MARCHF8: variants seen among roughly 807,000 people sequenced by gnomAD.
The protein encoded by MARCHF8 is E3 ubiquitin-protein ligase MARCHF8.
In MARCHF8, 40 loss-of-function variants were observed where a neutral mutation model predicts 51.6. That is an observed-to-expected ratio of 0.77 (90% CI 0.60 to 1.01). The LOEUF (loss-of-function observed/expected upper bound fraction) is 1.01, where lower values mean the gene tolerates loss of function less well. Ranked by LOEUF, MARCHF8 falls within the 50% of genes least tolerant of loss-of-function variation. The pLI, the probability that MARCHF8 is intolerant of heterozygous loss-of-function variation, is 0.00. For missense variants in MARCHF8, 685 were observed against 708.6 expected, an observed-to-expected ratio of 0.97 and a Z score of 0.38; for synonymous variants, 263 against 280.3, an observed-to-expected ratio of 0.94 and a Z score of 0.62.
chr10:45,463,871 G>T lies in MARCHF8; in HGVS notation c.368C>A (p.Thr123Lys), dbSNP rs977856949. ...GGAATTTCTCTTTGACGCCTGTAAT[G>T]TGTCCTTACAGATAACTGTCACAGT... The part of the protein sequence containing the change: ...GLTVTVICKD[T>K]LQASKRNSFG... Residue 123 changes from threonine (T) to lysine (K), a missense_variant, in exon 5 of 8, where the codon ACA (threonine) becomes AAA (lysine). By Grantham distance (78) the Thr-to-Lys change is moderately conservative. Coordinates refer to ENST00000453424, the MANE Select transcript of MARCHF8 (RefSeq NM_001282866.2). The T allele has an allele frequency of 4.5e-6, 7 of 1,538,506 alleles. No individual in the cohort carries two copies. Among genetic ancestry groups the T allele is most frequent in the Non-Finnish European group, 6.1e-6 (7 of 1,146,960 alleles).
intron 1 of MARCHF8, among the ~76,000 whole-genome samples, chr10:45,583,650 A>C (rs1465848569): frequency 6.6e-6 from 1 of 152,212 alleles, no homozygotes; most frequent in Non-Finnish European, 1.5e-5. Flanking sequence ...GATCTAGGTG[A>C]AAAAGCATAT....
chr10:45,497,477 T>C lies in MARCHF8; in HGVS notation c.103-8060A>G, dbSNP rs182685364. Among the ~76,000 whole-genome samples, 46 of 152,194 alleles carry C rather than the reference T, an allele frequency of 3.0e-4. No individual in the cohort carries two copies. The East Asian group carries it at 8.3e-3, about 27-fold the overall frequency. On this transcript the variant is annotated intron_variant, in intron 2 of 7. Coordinates refer to ENST00000453424, the MANE Select transcript of MARCHF8 (RefSeq NM_001282866.2). ...AAAACCCAACAACAACAACAGAATA[T>C]ACATTCTTCTCAAGTGCACAACAAC...
At chr10:45,581,087 C>T (rs2044550535) in intron 1 of MARCHF8, among the ~76,000 whole-genome samples, 1 of 152,044 alleles carries the variant, frequency 6.6e-6, no homozygotes, top group African/African-American at 2.4e-5. Context: ...GGCAGAGGAC[C>T]AGCTGAGCGG....
At chr10:45,535,029 C>A (rs35824277) in intron 1 of MARCHF8, among the ~76,000 whole-genome samples, 182 bp downstream of exon 1, 2 of 152,108 alleles carry the variant, frequency 1.3e-5, no homozygotes, top group African/African-American at 4.8e-5. Flanking sequence ...AAGTGAGTGA[C>A]CATTGATAAT....
intron 1 of MARCHF8, among the ~76,000 whole-genome samples, chr10:45,550,664 A>G (rs2044184989): frequency 6.6e-6 from 1 of 151,086 alleles, no homozygotes; most frequent in Non-Finnish European, 1.5e-5. Flanking sequence ...AAATCTTCTC[A>G]AGGACCCCTG....
chr10:45,533,999 C>T (rs544582612), intron 1 of MARCHF8, among the ~76,000 whole-genome samples: 4 of 152,172 alleles, frequency 2.6e-5, no homozygotes, highest in African/African-American at 7.2e-5. Context: ...CTGGCTAACA[C>T]GGTGAAACCC....
chr10:45,580,658 T>C (rs572683029), intron 1 of MARCHF8, among the ~76,000 whole-genome samples: 13 of 152,362 alleles, frequency 8.5e-5, no homozygotes, highest in African/African-American at 2.4e-4. Flanking sequence ...AAGAACCAGT[T>C]TCACTTTTCT....
chr10:45,555,503 G>A (rs1002879701), intron 1 of MARCHF8, among the ~76,000 whole-genome samples: 7 of 151,938 alleles, frequency 4.6e-5, no homozygotes, highest in African/African-American at 7.3e-5. Flanking sequence ...TTGTGAGGCC[G>A]AGGTAGGAAA....
intron 1 of MARCHF8, among the ~76,000 whole-genome samples, chr10:45,586,036 C>T (rs968226902): frequency 6.6e-6 from 1 of 152,098 alleles, no homozygotes; most frequent in African/African-American, 2.4e-5. Flanking sequence ...GCTTTTTAGA[C>T]CCTTTTTAAA....
At position 45,501,295 on chromosome 10, in the gene MARCHF8, G is replaced by A. The variant is rs77524633; in HGVS notation, c.103-11878C>T. 6.8e-3 allele frequency among the ~76,000 whole-genome samples: 1,029 copies of A among 152,192 alleles called. 9 individuals are homozygous for A. The highest frequency in any genetic ancestry group is 0.024 in the African/African-American group (980 of 41,556). On this transcript the variant is annotated intron_variant, in intron 2 of 7. Coordinates refer to ENST00000453424, the MANE Select transcript of MARCHF8 (RefSeq NM_001282866.2). ...TTTCAAGAACTAATATACAGCCAGA[G>A]TAATCACTACTGTGTGGTACTAGTG...
chr10:45,548,625 GGTTCTTTTAGCATTTCAC>G (rs1184367424), intron 1 of MARCHF8, among the ~76,000 whole-genome samples: 1 of 152,088 alleles, frequency 6.6e-6, no homozygotes, highest in Non-Finnish European at 1.5e-5. Context: ...GATTTGTTAG[GGTTCTTTTAGCATTTCAC>G]GTCTGAGAAA....
chr10:45,548,657 A>G (rs2044156729), intron 1 of MARCHF8, among the ~76,000 whole-genome samples: 1 of 152,214 alleles, frequency 6.6e-6, no homozygotes, highest in Non-Finnish European at 1.5e-5. Context: ...TGAGAAACAG[A>G]ACAGGTGTTT....
chr10:45,542,010 A>G (rs2044059495), intron 1 of MARCHF8, among the ~76,000 whole-genome samples: 2 of 152,100 alleles, frequency 1.3e-5, no homozygotes, highest in Admixed American at 1.3e-4. Context: ...ATTTTTTAAA[A>G]ACCACTCTAC....
At chr10:45,544,040 T>C (rs1589165292) in intron 1 of MARCHF8, among the ~76,000 whole-genome samples, 1 of 151,878 alleles carries the variant, frequency 6.6e-6, no homozygotes, top group Non-Finnish European at 1.5e-5. Context: ...TGTACTCCAT[T>C]CTGGGCAACA....
intron 6 of MARCHF8, 186 bp downstream of exon 6, chr10:45,461,031 GTCAGAAAGAGCTTC>G (rs1425742303): frequency 2.4e-6 from 1 of 423,562 alleles, no homozygotes; most frequent in African/African-American, 2.0e-5. Context: ...ATTATGAATG[GTCAGAAAGAGCTTC>G]TTCCTGAGAA....
chr10:45,516,395 C>G (rs1203361440), intron 2 of MARCHF8, among the ~76,000 whole-genome samples: 1 of 152,150 alleles, frequency 6.6e-6, no homozygotes, highest in Non-Finnish European at 1.5e-5. Context: ...AAGAGATCTT[C>G]CTGCCTCGGC....
intron 3 of MARCHF8, among the ~76,000 whole-genome samples, chr10:45,481,276 C>A (rs894132886): frequency 1.3e-5 from 2 of 152,312 alleles, no homozygotes; most frequent in East Asian, 3.9e-4. Flanking sequence ...AGGGAGTTGC[C>A]TTGTCTGAGA....
At chr10:45,471,522 T>C (rs1564470098) in intron 3 of MARCHF8, among the ~76,000 whole-genome samples, 1 of 152,236 alleles carries the variant, frequency 6.6e-6, no homozygotes, top group Non-Finnish European at 1.5e-5. Flanking sequence ...GAGTTACTTA[T>C]CACTCACAAG....
intron 1 of MARCHF8, among the ~76,000 whole-genome samples, chr10:45,533,984 C>A (rs1056137321): frequency 1.3e-5 from 2 of 152,146 alleles, no homozygotes; most frequent in African/African-American, 4.8e-5. Context: ...GAGATCGAGA[C>A]CACCCTGGCT....
Sources: gnomAD v4.1 joint callset for allele counts (sites outside exome capture counted in the v4.1 genomes callset) on GRCh38, gnomAD v4.1.1 for gene constraint, MANE v1.5 for transcripts, NCBI Gene and HGNC (gene_info 2026-07-23, HGNC 2026-07-21) for gene names.